Variants in ODAD4 observed in about 807,000 individuals in gnomAD.
The protein encoded by ODAD4 is outer dynein arm-docking complex subunit 4.
In ODAD4, 49 loss-of-function variants were observed where a neutral mutation model predicts 51.8. The observed-to-expected ratio is 0.95, with a 90% CI of 0.75 to 1.20. The LOEUF (loss-of-function observed/expected upper bound fraction) is 1.20. ODAD4 is among the 50% of genes most tolerant of loss of function. ODAD4 has a pLI of 0.00. For missense variants in ODAD4, 590 were observed against 586.5 expected (o/e 1.01, Z -0.06); for synonymous variants, 235 against 221.3 (o/e 1.06, Z -0.55).
At chr17:41,952,299 C>T (rs1284907998) in intron 9 of ODAD4, among the ~76,000 whole-genome samples, 4 of 142,180 alleles carry the variant, frequency 2.8e-5, no homozygotes, top group African/African-American at 7.8e-5. Context: ...ACCTGGGAGG[C>T]GGAGGTTGCA....
intron 10 of ODAD4, among the ~76,000 whole-genome samples, chr17:41,960,920 C>T (rs1055406167): frequency 1.3e-5 from 2 of 152,220 alleles, no homozygotes; most frequent in Non-Finnish European, 2.9e-5. Context: ...GGATCATGCA[C>T]TCGAGTTGGG....
intron 2 of ODAD4, 38 bp downstream of exon 2, chr17:41,935,386 C>T (rs1555637571): frequency 6.2e-7 from 1 of 1,604,240 alleles, no homozygotes; most frequent in African/African-American, 1.3e-5. Context: ...CCTGCCATTG[C>T]CTGTAGCAAC....
In ODAD4 at chr17:41,938,663, G is replaced by A. The variant is rs782443905; in HGVS notation, c.732G>A (p.Pro244=). Reference sequence around the variant, plus strand: ...GCAACTTCTGGAGGCAGCAGAAGCCGATCTACGCCAGGGAGCGGGACCGGA... The same window carrying A: ...GCAACTTCTGGAGGCAGCAGAAGCCAATCTACGCCAGGGAGCGGGACCGGA... ...THSNFWRQQK[P]IYARERDRKL... The change falls in exon 6 of 12, where the codon CCG becomes CCA. Residue 244 remains proline (P), a synonymous_variant. Coordinates refer to ENST00000377540, the MANE Select transcript of ODAD4 (RefSeq NM_031421.5). 79 of 1,613,852 alleles carry A rather than the reference G, an allele frequency of 4.9e-5. 1 individual carries two copies. The highest frequency in any genetic ancestry group is 8.9e-5 in the East Asian group (4 of 44,896).
intron 10 of ODAD4, among the ~76,000 whole-genome samples, chr17:41,959,333 G>A (rs188451740): frequency 3.9e-4 from 59 of 152,352 alleles, no homozygotes; most frequent in African/African-American, 1.3e-3. Flanking sequence ...CCACTGGCAC[G>A]CAGCTGGACC....
chr17:41,930,621 T>A lies in ODAD4; in HGVS notation c.-103T>A, dbSNP rs1362092994. The A allele has an allele frequency of 1.6e-5, 12 of 759,218 alleles. No individual in the cohort carries two copies. Among genetic ancestry groups the A allele is most frequent in the Non-Finnish European group, 2.6e-5 (12 of 459,046 alleles). 47.0% of individuals were successfully genotyped at this position (759,218 alleles called of 1,614,324 possible). A position where few individuals can be genotyped will look rare whatever the true frequency, so the allele number is the denominator to read the frequency against. ...ACGGGGGCGGAACCGGAAGTCGCTG[T>A]ACATCTCATGGTTGCTAAGAAACGG... On this transcript the variant is annotated 5_prime_UTR_variant, in exon 1 of 12. Transcript: ENST00000377540.
chr17:41,952,757 G>C (rs1226109252), intron 9 of ODAD4: 17 of 464,560 alleles, frequency 3.7e-5, no homozygotes, highest in Non-Finnish European at 7.0e-5. Context: ...TTGAGATAGA[G>C]TCTTGCTTTA....
intron 8 of ODAD4, among the ~76,000 whole-genome samples, chr17:41,945,922 G>A (rs1555639450): frequency 3.9e-5 from 6 of 152,064 alleles, no homozygotes; most frequent in Non-Finnish European, 8.8e-5. Context: ...TTTAGGGCAG[G>A]AAAGAAAGGA....
intron 7 of ODAD4, among the ~76,000 whole-genome samples, chr17:41,943,038 C>T (rs1257355486): frequency 6.6e-6 from 1 of 151,934 alleles, no homozygotes; most frequent in African/African-American, 2.4e-5. Context: ...TTTGTTTTTA[C>T]ACAAGTACTA....
At chr17:41,935,125 C>A in intron 1 of ODAD4, 92 bp from the exon 2 acceptor site, 1 of 1,452,230 alleles carries the variant, frequency 6.9e-7, no homozygotes, top group African/African-American at 1.4e-5. Flanking sequence ...CTGAAGAAAT[C>A]CCCTCTGCAG....
chr17:41,961,508 C>T (rs1310954150), intron 11 of ODAD4, 42 bp downstream of exon 11: 2 of 717,892 alleles, frequency 2.8e-6, no homozygotes, highest in Non-Finnish European at 5.2e-6. Context: ...CAGCATTCTC[C>T]CTCTGCTTTC....
rs1385896432 is a variant in ODAD4, at chr17:41,965,367, C to A, written c.1903C>A (p.Leu635Ile). 1.3e-6 allele frequency: 1 copy of A among 780,506 alleles called. No homozygotes were observed. 48.3% of individuals were successfully genotyped at this position (780,506 alleles called of 1,614,324 possible). ...ATTCAGCAGACAGGAACCAGAAGAACTAAAGAAACTTTCAGAAGTGGGCAG... is the reference window on the plus strand; with the variant it reads ...ATTCAGCAGACAGGAACCAGAAGAAATAAAGAAACTTTCAGAAGTGGGCAG... ...GEFSRQEPEE[L>I]KKLSEVGRRE... Residue 635 changes from leucine to isoleucine, a missense_variant, in exon 12 of 12, where the codon CTA becomes ATA. Coordinates refer to ENST00000377540, the MANE Select transcript of ODAD4 (RefSeq NM_031421.5).
Position 41,949,848 on chromosome 17 carries a change from G to A in ODAD4, c.1342+499G>A, listed in dbSNP as rs901554513. On this transcript the variant is annotated intron_variant, in intron 9 of 11. Coordinates refer to ENST00000377540, the MANE Select transcript of ODAD4 (RefSeq NM_031421.5). ...CCACCACACCTGGCTAATTTTTTGT[G>A]TTTTTAGTAGAGACAGGGTTTCACC... Among the ~76,000 whole-genome samples, 296 of 148,534 alleles carry A rather than the reference G, an allele frequency of 2.0e-3. 1 individual carries two copies. Among genetic ancestry groups the A allele is most frequent in the Non-Finnish European group, 3.2e-3 (214 of 67,012 alleles).
intron 8 of ODAD4, among the ~76,000 whole-genome samples, chr17:41,946,856 CT>C (rs79664258): frequency 1.0e-3 from 132 of 130,276 alleles, no homozygotes; most frequent in African/African-American, 1.4e-3. Flanking sequence ...TTTTTCTTTT[CT>C]TTTTTTTTTT....
chr17:41,944,391 TAC>T (rs1158342629), intron 7 of ODAD4, among the ~76,000 whole-genome samples: 41 of 78,760 alleles, frequency 5.2e-4, no homozygotes, highest in Middle Eastern at 6.3e-3. Flanking sequence ...CAAACACACA[TAC>T]ACACACACAC....
intron 5 of ODAD4, among the ~76,000 whole-genome samples, chr17:41,937,416 G>C (rs782047868): frequency 7.2e-5 from 11 of 152,200 alleles, no homozygotes; most frequent in Non-Finnish European, 1.6e-4. Flanking sequence ...TTCATAAGTT[G>C]ACAAACAAGT....
Position 41,947,466 on chromosome 17 carries a change from C to CGCA in ODAD4, c.1146-1683_1146-1681dup, listed in dbSNP as rs1294687384. ...CGCCACTGCACTCCAGCCTGGGTGA[C>CGCA]GCAGCAAGACTCTGTCTCAAAAAAA... is the stretch of plus-strand genomic sequence containing the variant. On this transcript the variant is annotated intron_variant, in intron 8 of 11. Coordinates refer to ENST00000377540, the MANE Select transcript of ODAD4 (RefSeq NM_031421.5). 1.3e-5 allele frequency among the ~76,000 whole-genome samples: 2 copies of CGCA among 150,028 alleles called. 1 individual carries two copies.
intron 11 of ODAD4, among the ~76,000 whole-genome samples, chr17:41,963,240 G>A (rs916160205): frequency 1.3e-5 from 2 of 152,058 alleles, no homozygotes; most frequent in Admixed American, 1.3e-4. Flanking sequence ...AGTAACTAGT[G>A]GTTTCCAGGA....
At chr17:41,953,994 A>G (rs1555640649) in intron 9 of ODAD4, among the ~76,000 whole-genome samples, 1 of 150,322 alleles carries the variant, frequency 6.7e-6, no homozygotes, top group African/African-American at 2.5e-5. Flanking sequence ...TTTTTAATTA[A>G]TTAATTTTTT....
chr17:41,951,876 T>A (rs2050657790), intron 9 of ODAD4, among the ~76,000 whole-genome samples: 1 of 105,528 alleles, frequency 9.5e-6, no homozygotes, highest in South Asian at 3.3e-4. Context: ...AGAACGAGAC[T>A]CTGTCGCAAA....
Sources: gnomAD v4.1 joint callset for allele counts (sites outside exome capture counted in the v4.1 genomes callset) on GRCh38, gnomAD v4.1.1 for gene constraint, MANE v1.5 for transcripts, NCBI Gene and HGNC (gene_info 2026-07-23, HGNC 2026-07-21) for gene names.